Variants in DYNC1I2 observed in about 807,000 individuals in gnomAD.
DYNC1I2 encodes the protein dynein cytoplasmic 1 intermediate chain 2, also known as cytoplasmic dynein 1 intermediate chain 2.
In DYNC1I2, 53 loss-of-function variants were observed where a neutral mutation model predicts 88.6. That is an observed-to-expected ratio of 0.60 (90% CI 0.48 to 0.75). DYNC1I2 has a LOEUF of 0.75. Ranked by LOEUF, DYNC1I2 falls within the 30% of genes least tolerant of loss-of-function variation. The pLI is 0.00. For missense variants in DYNC1I2, 458 were observed against 766.6 expected, an observed-to-expected ratio of 0.60 and a Z score of 4.75; for synonymous variants, 198 against 254.6, an observed-to-expected ratio of 0.78 and a Z score of 2.12.
At position 171,726,190 on chromosome 2, in the gene DYNC1I2, G is replaced by C; in HGVS notation, c.771-4G>C. ...TTTTTGGGGGGTTTGGTCTTTTTTT[G>C]TAGAGAGATTCAAGCAGGTGCTAAA... is the stretch of plus-strand genomic sequence containing the variant. On this transcript the variant is annotated splice_polypyrimidine_tract_variant and splice_region_variant and intron_variant, in intron 9 of 17. Coordinates refer to ENST00000397119, the MANE Select transcript of DYNC1I2 (RefSeq NM_001378.3). The C allele has an allele frequency of 6.2e-7, 1 of 1,604,474 alleles. No homozygotes were observed. The highest frequency in any genetic ancestry group is 1.1e-5 in the South Asian group (1 of 88,686).
chr2:171,738,337 GA>G (rs955588710), intron 15 of DYNC1I2, among the ~76,000 whole-genome samples: 12 of 142,758 alleles, frequency 8.4e-5, no homozygotes, highest in South Asian at 4.5e-4. Flanking sequence ...CAGCTCAAAA[GA>G]AAAAAAAAAG....
At chr2:171,739,916 G>C (rs987742638) in intron 15 of DYNC1I2, among the ~76,000 whole-genome samples, 2 of 151,878 alleles carry the variant, frequency 1.3e-5, no homozygotes, top group African/African-American at 4.8e-5. Flanking sequence ...ATGTTGGCCA[G>C]GCTGGTCTCA....
intron 4 of DYNC1I2, 108 bp from the exon 5 acceptor site, chr2:171,707,178 TG>T (rs1428995568): frequency 5.9e-6 from 9 of 1,522,298 alleles, no homozygotes; most frequent in African/African-American, 1.4e-5. Context: ...GGTTTGCCAT[TG>T]TTTTTTTCTT....
At chr2:171,746,050 TA>T in intron 17 of DYNC1I2, 123 bp downstream of exon 17, 3 of 957,988 alleles carry the variant, frequency 3.1e-6, no homozygotes, top group South Asian at 2.6e-5. Context: ...GTTGTAAAGA[TA>T]AAACTTACTT....
chr2:171,707,540 A>AT (rs572984666), intron 5 of DYNC1I2, among the ~76,000 whole-genome samples, 163 bp downstream of exon 5: 2 of 152,156 alleles, frequency 1.3e-5, no homozygotes, highest in Non-Finnish European at 2.9e-5. Flanking sequence ...GAGAAAAAAA[A>AT]GGTTTCTTTG....
At chr2:171,731,230 TAGA>T (rs1688584547) in intron 15 of DYNC1I2, among the ~76,000 whole-genome samples, 2 of 152,276 alleles carry the variant, frequency 1.3e-5, no homozygotes, top group African/African-American at 2.4e-5. Flanking sequence ...TGGGAAAAGG[TAGA>T]AGAAGATTCT....
At chr2:171,730,810 C>T (rs946573982) in intron 15 of DYNC1I2, among the ~76,000 whole-genome samples, 1 of 151,922 alleles carries the variant, frequency 6.6e-6, no homozygotes, top group East Asian at 1.9e-4. Context: ...TGTAAGAAAA[C>T]CTAATGTAAG....
chr2:171,727,509 T>A (rs1004582629), intron 11 of DYNC1I2, among the ~76,000 whole-genome samples: 1 of 152,080 alleles, frequency 6.6e-6, no homozygotes, highest in Non-Finnish European at 1.5e-5. Context: ...ACTGTCAGAG[T>A]CTAATGCAGG....
At chr2:171,738,389 C>A (rs533046496) in intron 15 of DYNC1I2, among the ~76,000 whole-genome samples, 2 of 152,110 alleles carry the variant, frequency 1.3e-5, no homozygotes, top group African/African-American at 4.8e-5. Context: ...TTTTGCTCAA[C>A]ATTATGTTTG....
In DYNC1I2 at chr2:171,692,921, A is replaced by G. The variant is rs1187060108; in HGVS notation, c.226+27A>G. 6 of 1,476,602 alleles carry G rather than the reference A, an allele frequency of 4.1e-6. No individual in the cohort carries two copies. In the African/African-American group the frequency reaches 7.0e-5, roughly 17 times the overall value. 91.5% of individuals were successfully genotyped at this position (1,476,602 alleles called of 1,614,324 possible). On this transcript the variant is annotated intron_variant, in intron 3 of 17. Coordinates refer to ENST00000397119, the MANE Select transcript of DYNC1I2 (RefSeq NM_001378.3). ...TAAGGTTAAGAATATATCCATTTAT[A>G]AGAGATAGGCATAGATTCTGTTCAG...
intron 3 of DYNC1I2, among the ~76,000 whole-genome samples, chr2:171,697,379 T>C (rs564915950): frequency 2.6e-5 from 4 of 152,270 alleles, no homozygotes; most frequent in Non-Finnish European, 5.9e-5. Context: ...CCTCATGATA[T>C]CTACTTGTTG....
chr2:171,726,763 T>A (rs1402303811), intron 10 of DYNC1I2, 28 bp from the exon 11 acceptor site: 1 of 1,609,174 alleles, frequency 6.2e-7, no homozygotes, highest in Non-Finnish European at 8.5e-7. Context: ...TGCATAGCAT[T>A]TCTTTTCTTC....
At chr2:171,715,863 A>G (rs1342558465) in intron 7 of DYNC1I2, among the ~76,000 whole-genome samples, 1 of 152,158 alleles carries the variant, frequency 6.6e-6, no homozygotes, top group Non-Finnish European at 1.5e-5. Context: ...CTGTACCCTG[A>G]TGTTATTCAT....
chr2:171,733,073 T>A (rs1401988374), intron 15 of DYNC1I2, among the ~76,000 whole-genome samples: 1 of 152,208 alleles, frequency 6.6e-6, no homozygotes, highest in Non-Finnish European at 1.5e-5. Flanking sequence ...AGCTCCCATT[T>A]ATAAGTGAGA....
intron 6 of DYNC1I2, 89 bp from the exon 7 acceptor site, chr2:171,715,238 TG>T (rs1432728167): frequency 2.9e-6 from 2 of 696,302 alleles, no homozygotes; most frequent in Non-Finnish European, 4.8e-6. Context: ...ATTACAATGT[TG>T]GGTGCAAATG....
At chr2:171,735,743 G>C (rs1688958552) in intron 15 of DYNC1I2, among the ~76,000 whole-genome samples, 1 of 152,178 alleles carries the variant, frequency 6.6e-6, no homozygotes, top group Non-Finnish European at 1.5e-5. Context: ...AGCTTCTGCA[G>C]GGTAACAAGG....
At chr2:171,695,536 C>T (rs1047095458) in intron 3 of DYNC1I2, among the ~76,000 whole-genome samples, 1 of 152,044 alleles carries the variant, frequency 6.6e-6, no homozygotes, top group Non-Finnish European at 1.5e-5. Flanking sequence ...TTGCTATATA[C>T]GTATTTAGTC....
intron 15 of DYNC1I2, among the ~76,000 whole-genome samples, chr2:171,731,759 G>A (rs1415316453): frequency 2.0e-5 from 3 of 151,938 alleles, no homozygotes; most frequent in African/African-American, 7.2e-5. Flanking sequence ...GTCCATGGTG[G>A]GTTCTTGTCT....
intron 6 of DYNC1I2, 47 bp downstream of exon 6, chr2:171,712,873 T>A (rs1175912506): frequency 6.6e-7 from 1 of 1,508,200 alleles, no homozygotes; most frequent in Admixed American, 1.7e-5. Flanking sequence ...TGAATTTGAT[T>A]CTTTGTGAAA....
Sources: allele counts gnomAD v4.1 joint callset (sites outside exome capture counted in the v4.1 genomes callset), GRCh38; gene constraint gnomAD v4.1.1; transcripts MANE v1.5; gene names NCBI Gene and HGNC (gene_info 2026-07-23, HGNC 2026-07-21).